The following EYA2 variants were observed in gnomAD, a reference collection of about 807,000 sequenced individuals.
EYA2 encodes EYA transcriptional coactivator and phosphatase 2.
Under a neutral mutation model 69.2 loss-of-function variants are expected in EYA2, and 31 were observed. The observed-to-expected ratio is 0.45, with a 90% CI of 0.34 to 0.60. The LOEUF (loss-of-function observed/expected upper bound fraction) is 0.60. Among genes scored for constraint, EYA2 ranks in the 20% least tolerant of loss-of-function variants. The pLI, the probability that EYA2 is intolerant of heterozygous loss-of-function variation, is 0.02. For missense variants in EYA2, 622 were observed against 701.2 expected (o/e 0.89, Z 1.28); for synonymous variants, 257 against 279.4 (o/e 0.92, Z 0.80).
intron 1 of EYA2, among the ~76,000 whole-genome samples, chr20:46,980,093 G>A (rs1980732688): frequency 6.6e-6 from 1 of 152,162 alleles, no homozygotes; most frequent in Non-Finnish European, 1.5e-5. Flanking sequence ...GTGATCCAGA[G>A]CTATTTGCAA....
intron 1 of EYA2, among the ~76,000 whole-genome samples, chr20:46,961,457 G>A (rs777037569): frequency 6.6e-6 from 1 of 152,214 alleles, no homozygotes; most frequent in Admixed American, 6.5e-5. Flanking sequence ...GGAAAACAAT[G>A]TGGAGGTTTC....
intron 1 of EYA2, among the ~76,000 whole-genome samples, chr20:46,953,547 C>T (rs778028139): frequency 6.6e-6 from 1 of 152,136 alleles, no homozygotes; most frequent in Non-Finnish European, 1.5e-5. Flanking sequence ...AGAACATCAG[C>T]GGTATGGACA....
At chr20:47,018,023 T>C (rs1983514491) in intron 5 of EYA2, among the ~76,000 whole-genome samples, 1 of 152,176 alleles carries the variant, frequency 6.6e-6, no homozygotes, top group African/African-American at 2.4e-5. Flanking sequence ...TGAGGCCCAC[T>C]GAAGGGAGTA....
chr20:47,127,629 TG>T (rs1219204544), intron 9 of EYA2, among the ~76,000 whole-genome samples: 2 of 152,178 alleles, frequency 1.3e-5, no homozygotes, highest in African/African-American at 2.4e-5. Context: ...TGAGCCTCCT[TG>T]GGCTGAGGGA....
chr20:47,006,084 G>C (rs574178089), intron 4 of EYA2, among the ~76,000 whole-genome samples: 1 of 152,304 alleles, frequency 6.6e-6, no homozygotes, highest in East Asian at 1.9e-4. Flanking sequence ...GCTCAGGCAG[G>C]CTCTCCCACT....
chr20:46,902,813 T>C (rs1400736740), intron 1 of EYA2, among the ~76,000 whole-genome samples: 1 of 152,224 alleles, frequency 6.6e-6, no homozygotes, highest in Non-Finnish European at 1.5e-5. Flanking sequence ...AAGTCATTGC[T>C]TACAGCTGCT....
intron 5 of EYA2, among the ~76,000 whole-genome samples, chr20:47,027,215 C>A (rs963806539): frequency 2.0e-5 from 3 of 152,228 alleles, no homozygotes; most frequent in Non-Finnish European, 4.4e-5. Context: ...GAAATGGAGT[C>A]ATTTCCCTAT....
chr20:47,127,158 C>T (rs1326977542), intron 9 of EYA2, among the ~76,000 whole-genome samples: 1 of 151,884 alleles, frequency 6.6e-6, no homozygotes, highest in East Asian at 1.9e-4. Flanking sequence ...AACCAGGCCA[C>T]CAGAAATTCT....
At chr20:47,030,432 C>A (rs1368436494) in intron 5 of EYA2, among the ~76,000 whole-genome samples, 1 of 152,232 alleles carries the variant, frequency 6.6e-6, no homozygotes, top group Non-Finnish European at 1.5e-5. Context: ...ATTCACTCAG[C>A]AAACATTCAC....
chr20:46,938,429 A>G (rs1192731676), intron 1 of EYA2, among the ~76,000 whole-genome samples: 2 of 152,218 alleles, frequency 1.3e-5, no homozygotes, highest in Non-Finnish European at 2.9e-5. Context: ...TCATATCTGT[A>G]GGTCAGGAAT....
At chr20:47,016,820 T>TATTAC (rs754245797) in intron 5 of EYA2, among the ~76,000 whole-genome samples, 1 of 152,086 alleles carries the variant, frequency 6.6e-6, no homozygotes, top group Non-Finnish European at 1.5e-5. Context: ...AGAAGGCATG[T>TATTAC]AGGAGGAGAG....
intron 10 of EYA2, among the ~76,000 whole-genome samples, chr20:47,160,609 G>A (rs903119884): frequency 2.0e-5 from 3 of 152,098 alleles, no homozygotes; most frequent in African/African-American, 7.2e-5. Context: ...AGAGGAGACG[G>A]GGATAACTCC....
At chr20:47,157,842 A>G (rs964321902) in intron 10 of EYA2, among the ~76,000 whole-genome samples, 2 of 152,068 alleles carry the variant, frequency 1.3e-5, no homozygotes, top group African/African-American at 4.8e-5. Context: ...AAGAGTTCCA[A>G]CAAAACTTCA....
chr20:47,056,906 G>A (rs1437545341), intron 5 of EYA2, among the ~76,000 whole-genome samples: 2 of 152,044 alleles, frequency 1.3e-5, no homozygotes, highest in African/African-American at 4.8e-5. Flanking sequence ...TTAGCTGGGT[G>A]TGGTGGTGCA....
chr20:47,085,644 CAA>C (rs555109616), intron 7 of EYA2, among the ~76,000 whole-genome samples: 2 of 124,626 alleles, frequency 1.6e-5, no homozygotes, highest in Admixed American at 8.2e-5. Flanking sequence ...GACTCTGTCT[CAA>C]AAAAAAAAAA....
At chr20:47,089,535 G>A (rs1376626267) in intron 8 of EYA2, among the ~76,000 whole-genome samples, 154 bp downstream of exon 8, 1 of 152,220 alleles carries the variant, frequency 6.6e-6, no homozygotes, top group African/African-American at 2.4e-5. Flanking sequence ...TGTCCAAGCA[G>A]GTAGTCCTGG....
chr20:46,912,990 G>A (rs534735533), intron 1 of EYA2, among the ~76,000 whole-genome samples: 14 of 152,236 alleles, frequency 9.2e-5, no homozygotes, highest in East Asian at 3.9e-4. Flanking sequence ...GTGAGCCACC[G>A]CGCCCGGCCT....
chr20:46,964,827 C>T (rs1253235064), intron 1 of EYA2, among the ~76,000 whole-genome samples: 2 of 152,128 alleles, frequency 1.3e-5, no homozygotes, highest in Non-Finnish European at 2.9e-5. Context: ...GTCTGTGTGC[C>T]CCAGCATCTG....
In EYA2 at chr20:47,104,471, T is replaced by C. The variant is rs149914542; in HGVS notation, c.888+7303T>C. ...TTTATGTATATTTTCTTTGGTTACT[T>C]TTGCTTTTGGTGTCATATCTGAGAC... On this transcript the variant is annotated intron_variant, in intron 9 of 15. Transcript: ENST00000327619. Among the ~76,000 whole-genome samples, 918 of 152,318 alleles carry C rather than the reference T, an allele frequency of 6.0e-3. 7 individuals carry two copies. Among genetic ancestry groups the C allele is most frequent in the Non-Finnish European group, 0.01 (692 of 68,028 alleles).
Sources: gnomAD v4.1 joint callset for allele counts (sites outside exome capture counted in the v4.1 genomes callset) on GRCh38, gnomAD v4.1.1 for gene constraint, MANE v1.5 for transcripts, NCBI Gene and HGNC (gene_info 2026-07-23, HGNC 2026-07-21) for gene names.